Variants in SLC26A4 observed in about 807,000 individuals in gnomAD.
SLC26A4 encodes the protein solute carrier family 26 member 4, also known as pendrin.
Under a neutral mutation model 90.4 loss-of-function variants are expected in SLC26A4, and 93 were observed. The observed-to-expected ratio is 1.03, with a 90% CI of 0.87 to 1.22. SLC26A4 has a LOEUF of 1.22. SLC26A4 is among the 50% of genes most tolerant of loss of function. The probability of loss-of-function intolerance (pLI) is 0.00; values close to 1 mark genes in which losing one functional copy is unlikely to be tolerated. For missense variants in SLC26A4, 1,127 were observed against 946.2 expected (o/e 1.19, Z -2.51); for synonymous variants, 393 against 354.6 (o/e 1.11, Z -1.22).
chr7:107,696,851 G>A (rs776186061), intron 13 of SLC26A4, among the ~76,000 whole-genome samples: 22 of 152,254 alleles, frequency 1.4e-4, no homozygotes, highest in South Asian at 1.0e-3. Flanking sequence ...TGTGTCCATC[G>A]TCTTTCCAGA....
In SLC26A4 at chr7:107,674,301, AGAGTCCT is replaced by A; in HGVS notation, c.556_562del (p.Val186LeufsTer5). The A allele has an allele frequency of 6.2e-7, 1 of 1,614,004 alleles. No individual in the cohort carries two copies. Among genetic ancestry groups the A allele is most frequent in the South Asian group, 1.1e-5 (1 of 91,076 alleles). On this transcript the variant is annotated frameshift_variant, in exon 5 of 21. Transcript: ENST00000644269. LOFTEE classifies it high-confidence loss of function. ...AGACACTGCAGCTAGAGATACAGCT[AGAGTCCT>A]GATTGCCAGTGCCCTGACTCTGCTG... is the stretch of plus-strand genomic sequence containing the variant.
chr7:107,683,407 G>A, intron 7 of SLC26A4, 48 bp from the exon 8 acceptor site: 3 of 1,609,648 alleles, frequency 1.9e-6, no homozygotes, highest in Non-Finnish European at 2.6e-6. Context: ...GACAAACAAG[G>A]AATTATTAAA....
chr7:107,697,534 G>A (rs1791773227), intron 13 of SLC26A4, among the ~76,000 whole-genome samples: 1 of 152,144 alleles, frequency 6.6e-6, no homozygotes. Flanking sequence ...TTGACAGGAA[G>A]GACTTATTTC....
chr7:107,668,223 AAG>A (rs1790768843), intron 3 of SLC26A4, among the ~76,000 whole-genome samples: 1 of 152,178 alleles, frequency 6.6e-6, no homozygotes. Flanking sequence ...AAAGGAAGGA[AAG>A]AGAGAGTGAA....
At chr7:107,703,302 T>C (rs1584338468) in intron 17 of SLC26A4, among the ~76,000 whole-genome samples, 1 of 152,276 alleles carries the variant, frequency 6.6e-6, no homozygotes, top group East Asian at 1.9e-4. Context: ...AACAATCAGA[T>C]GTAATAATAT....
chr7:107,701,039 A>G (rs1311008908), intron 15 of SLC26A4, 62 bp from the exon 16 acceptor site: 18 of 954,436 alleles, frequency 1.9e-5, no homozygotes, highest in African/African-American at 3.2e-5. Flanking sequence ...TCCAGATAAC[A>G]GTTGCCATTA....
Position 107,682,051 on chromosome 7 carries a change from T to C in SLC26A4, c.766-1151T>C, listed in dbSNP as rs866449797. Among the ~76,000 whole-genome samples, 152 of 147,434 alleles carry C rather than the reference T, an allele frequency of 1.0e-3. 1 individual carries two copies. Among genetic ancestry groups the C allele is most frequent in the African/African-American group, 3.7e-3 (144 of 39,380 alleles). ...TACTCTGGAGGGTGATGTGGAAGGA[T>C]TGCTTGAGCTCAGGAGTTCGAGGCC... On this transcript the variant is annotated intron_variant, in intron 6 of 20. Transcript: ENST00000644269.
At chr7:107,679,743 C>A (rs1401412986) in intron 6 of SLC26A4, among the ~76,000 whole-genome samples, 1 of 149,232 alleles carries the variant, frequency 6.7e-6, no homozygotes, top group Non-Finnish European at 1.5e-5. Context: ...TAACAGTAAA[C>A]TAAATTAGAA....
chr7:107,689,260 A>G, intron 9 of SLC26A4, 60 bp downstream of exon 9: 1 of 1,567,650 alleles, frequency 6.4e-7, no homozygotes, highest in Non-Finnish European at 8.8e-7. Context: ...AAAAACATAA[A>G]TGGAAAAGAT....
rs1562835765 is a variant in SLC26A4, at chr7:107,694,732, C to G, written c.1437+16C>G. The G allele has an allele frequency of 2.6e-6, 4 of 1,524,398 alleles. No homozygotes were observed. The highest frequency in any genetic ancestry group is 1.7e-5 in the Admixed American group (1 of 59,862). 94.4% of individuals were successfully genotyped at this position (1,524,398 alleles called of 1,614,324 possible). A position where few individuals can be genotyped will look rare whatever the true frequency, so the allele number is the denominator to read the frequency against. Reference sequence around the variant, plus strand: ...GATTGATGCTGTAAGTCACCTACCACCTATATTTATCTGAAATAAGATTTG... The same window carrying G: ...GATTGATGCTGTAAGTCACCTACCAGCTATATTTATCTGAAATAAGATTTG... On this transcript the variant is annotated intron_variant, in intron 12 of 20. Transcript: ENST00000644269.
intron 6 of SLC26A4, among the ~76,000 whole-genome samples, chr7:107,679,828 CTTATA>C (rs1354130176): frequency 1.4e-5 from 2 of 140,438 alleles, no homozygotes; most frequent in South Asian, 2.2e-4. Flanking sequence ...ATAATATAAT[CTTATA>C]TTATTATATA....
At chr7:107,664,912 C>G (rs1459639845) in intron 3 of SLC26A4, among the ~76,000 whole-genome samples, 1 of 152,122 alleles carries the variant, frequency 6.6e-6, no homozygotes, top group African/African-American at 2.4e-5. Flanking sequence ...TGTGAAACAC[C>G]TAATATGTTC....
rs1446826268 is a variant in SLC26A4, at chr7:107,689,140, T to C, written c.1089T>C (p.Ile363=). The change falls in exon 9 of 21, where the codon ATT becomes ATC. Residue 363 remains isoleucine, a synonymous_variant. Coordinates refer to ENST00000644269, the MANE Select transcript of SLC26A4 (RefSeq NM_000441.2). The stretch of plus-strand genomic sequence containing the variant: ...CCATCGCTGTGGTGGCTTATGCTAT[T>C]GCAGTGTCAGTAGGAAAAGTATATG... ...SFSIAVVAYA[I]AVSVGKVYAT... 5 of 1,613,946 alleles carry C rather than the reference T, an allele frequency of 3.1e-6. No individual in the cohort carries two copies. The highest frequency in any genetic ancestry group is 4.2e-6 in the Non-Finnish European group (5 of 1,179,842).
intron 19 of SLC26A4, among the ~76,000 whole-genome samples, chr7:107,710,943 G>A (rs767721021): frequency 5.9e-5 from 9 of 152,140 alleles, no homozygotes; most frequent in South Asian, 2.1e-4. Flanking sequence ...CAGTGACATC[G>A]TGGATATTTT....
chr7:107,711,031 T>C (rs1792171235), intron 19 of SLC26A4, among the ~76,000 whole-genome samples: 1 of 152,122 alleles, frequency 6.6e-6, no homozygotes. Flanking sequence ...GAAAACTAAC[T>C]TAGGAAATGA....
chr7:107,708,337 T>C (rs577827598), intron 18 of SLC26A4, among the ~76,000 whole-genome samples: 3 of 152,342 alleles, frequency 2.0e-5, no homozygotes, highest in African/African-American at 7.2e-5. Flanking sequence ...AAAGATTTAC[T>C]TTTCTTTTCT....
rs866198134 is a variant in SLC26A4 at position 107,712,567 on chromosome 7, C to G, written c.2264C>G (p.Thr755Ser). ...ACTCTCATTCAGGATTGTAAAGATA[C>G]CCTTGAATTAATAGAAACAGAGCTG... ...TITLIQDCKD[T>S]LELIETELTE... is the part of the protein sequence containing the mutation. The change falls in exon 20 of 21, where the codon ACC becomes AGC. Residue 755 changes from threonine to serine, a missense_variant. Thr to Ser is a moderately conservative substitution (Grantham distance 58). Transcript: ENST00000644269. The G allele has an allele frequency of 6.3e-7, 1 of 1,587,980 alleles. No homozygotes were observed. The highest frequency in any genetic ancestry group is 8.6e-7 in the Non-Finnish European group (1 of 1,156,404).
chr7:107,704,392 A>G lies in SLC26A4; in HGVS notation c.2089+7A>G, dbSNP rs1487106020. 2 of 1,119,866 alleles carry G rather than the reference A, an allele frequency of 1.8e-6. No individual in the cohort carries two copies. Among genetic ancestry groups the G allele is most frequent in the Admixed American group, 1.7e-5 (1 of 57,978 alleles). 69.4% of individuals were successfully genotyped at this position (1,119,866 alleles called of 1,614,324 possible). On this transcript the variant is annotated splice_region_variant and intron_variant, in intron 18 of 20. Coordinates refer to ENST00000644269, the MANE Select transcript of SLC26A4 (RefSeq NM_000441.2). ...TATTTTGCATCACTTCAAGGTAAATACATATATCTACATATCTACCTGTAA... is the reference window on the plus strand; with the variant it reads ...TATTTTGCATCACTTCAAGGTAAATGCATATATCTACATATCTACCTGTAA...
At chr7:107,715,336 C>A in intron 20 of SLC26A4, 87 bp from the exon 21 acceptor site, 1 of 1,044,276 alleles carries the variant, frequency 9.6e-7, no homozygotes, top group Non-Finnish European at 1.5e-6. Flanking sequence ...GCAATCAATA[C>A]TATAAAAACA....
Sources: allele counts gnomAD v4.1 joint callset (sites outside exome capture counted in the v4.1 genomes callset), GRCh38; gene constraint gnomAD v4.1.1; transcripts MANE v1.5; gene names NCBI Gene and HGNC (gene_info 2026-07-23, HGNC 2026-07-21).